The following ATP2B4 variants were observed in gnomAD, a reference collection of about 807,000 sequenced individuals.
The protein encoded by ATP2B4 is plasma membrane calcium-transporting ATPase 4.
Under a neutral mutation model 110.3 loss-of-function variants are expected in ATP2B4, and 39 were observed. The observed-to-expected ratio is 0.35, with a 90% CI of 0.27 to 0.46. The LOEUF is 0.46. Among genes scored for constraint, ATP2B4 ranks in the 20% least tolerant of loss-of-function variants. The probability of loss-of-function intolerance (pLI) is 1.00; values close to 1 mark genes in which losing one functional copy is unlikely to be tolerated. For synonymous variants in ATP2B4, 538 were observed against 571.7 expected (o/e 0.94, Z 0.84); for missense variants, 1,135 against 1,530.9 (o/e 0.74, Z 4.32).
At chr1:203,666,527 C>T (rs1052910375) in intron 1 of ATP2B4, among the ~76,000 whole-genome samples, 1 of 152,102 alleles carries the variant, frequency 6.6e-6, no homozygotes, top group Non-Finnish European at 1.5e-5. Context: ...TTAATTTTGG[C>T]CCCCGTTCTT....
chr1:203,723,787 G>T, intron 18 of ATP2B4, 94 bp from the exon 19 acceptor site: 4 of 934,538 alleles, frequency 4.3e-6, no homozygotes, highest in South Asian at 1.7e-5. Flanking sequence ...GGATCCTGAG[G>T]AGTGGGATGA....
intron 1 of ATP2B4, among the ~76,000 whole-genome samples, chr1:203,660,412 C>T (rs1664301366): frequency 6.6e-6 from 1 of 151,642 alleles, no homozygotes; most frequent in African/African-American, 2.4e-5. Context: ...GAGAATGTAT[C>T]ACTTGGGGTG....
At chr1:203,657,363 C>G (rs1216782242) in intron 1 of ATP2B4, 9 of 746,394 alleles carry the variant, frequency 1.2e-5, no homozygotes, top group Non-Finnish European at 2.2e-5. Flanking sequence ...GTCTGTTTCT[C>G]CCTGGGCATG....
At chr1:203,726,827 C>T (rs1024668220) in intron 19 of ATP2B4, among the ~76,000 whole-genome samples, 1 of 152,204 alleles carries the variant, frequency 6.6e-6, no homozygotes, top group African/African-American at 2.4e-5. Flanking sequence ...TGGACTGTCC[C>T]ATCCACTTCC....
chr1:203,732,745 G>C (rs904313364), intron 20 of ATP2B4, among the ~76,000 whole-genome samples: 1 of 151,688 alleles, frequency 6.6e-6, no homozygotes, highest in Non-Finnish European at 1.5e-5. Flanking sequence ...GGGCCTGTAG[G>C]TGGAGGTTGC....
At chr1:203,643,600 A>G (rs1261514046) in intron 1 of ATP2B4, among the ~76,000 whole-genome samples, 1 of 152,232 alleles carries the variant, frequency 6.6e-6, no homozygotes, top group Non-Finnish European at 1.5e-5. Flanking sequence ...CTTGGCATTA[A>G]GTGCAGTTCT....
chr1:203,636,256 C>T (rs1663433036), intron 1 of ATP2B4, among the ~76,000 whole-genome samples: 1 of 152,206 alleles, frequency 6.6e-6, no homozygotes, highest in Non-Finnish European at 1.5e-5. Context: ...TAAGCAAGGC[C>T]TTCTAGGCAC....
intron 20 of ATP2B4, among the ~76,000 whole-genome samples, chr1:203,733,997 G>A (rs1666808669): frequency 6.6e-6 from 1 of 152,166 alleles, no homozygotes; most frequent in Admixed American, 6.5e-5. Flanking sequence ...ATTGCTGACT[G>A]GCAATTTTAG....
At chr1:203,707,642 G>T (rs1440334203) in intron 9 of ATP2B4, among the ~76,000 whole-genome samples, 1 of 152,128 alleles carries the variant, frequency 6.6e-6, no homozygotes, top group East Asian at 1.9e-4. Flanking sequence ...TGTTGGCCAG[G>T]CTGGTCTTGA....
intron 19 of ATP2B4, 106 bp from the exon 20 acceptor site, chr1:203,727,288 TG>T: frequency 7.7e-7 from 1 of 1,301,826 alleles, no homozygotes; most frequent in Non-Finnish European, 1.1e-6. Context: ...GTGGGAAGGG[TG>T]GTAGGGCAAA....
At position 203,709,349 on chromosome 1, in the gene ATP2B4, G is replaced by A. The variant is rs2102398326; in HGVS notation, c.1606G>A (p.Glu536Lys). The A allele has an allele frequency of 5.0e-6, 8 of 1,614,170 alleles. No homozygotes were observed. The highest frequency in any genetic ancestry group is 1.1e-5 in the South Asian group (1 of 91,090). The change falls in exon 11 of 21, where the codon GAG becomes AAG. Residue 536 changes from glutamate (E) to lysine (K), a missense_variant. This residue lies in a region of ATP2B4 where 368 missense variants were observed against 455.9 expected (regional missense o/e 0.81). Coordinates refer to ENST00000357681, the MANE Select transcript of ATP2B4 (RefSeq NM_001684.5). ...GCCTCGGCAGGTGGGCAACAAGACC[G>A]AGTGTGCTCTGCTAGGCTTTGTCAC... ...GLPRQVGNKT[E>K]CALLGFVTDL... is the part of the protein sequence containing the mutation.
At chr1:203,725,619 G>T (rs749935150) in intron 19 of ATP2B4, among the ~76,000 whole-genome samples, 1 of 152,114 alleles carries the variant, frequency 6.6e-6, no homozygotes, top group East Asian at 1.9e-4. Flanking sequence ...AAACTATTAC[G>T]ATTATAATAG....
chr1:203,658,533 A>G (rs1373449769), intron 1 of ATP2B4, among the ~76,000 whole-genome samples: 1 of 151,828 alleles, frequency 6.6e-6, no homozygotes, highest in Non-Finnish European at 1.5e-5. Flanking sequence ...CCTGTCTCAA[A>G]AAAAAAAGAA....
chr1:203,713,294 C>G (rs1034493703), intron 14 of ATP2B4, 42 bp downstream of exon 14: 1 of 1,610,034 alleles, frequency 6.2e-7, no homozygotes, highest in Non-Finnish European at 8.5e-7. Flanking sequence ...CAGCTGAAGG[C>G]AGGCCAGGGC....
intron 2 of ATP2B4, among the ~76,000 whole-genome samples, chr1:203,697,246 G>T (rs188174114): frequency 6.6e-6 from 1 of 152,188 alleles, no homozygotes; most frequent in South Asian, 2.1e-4. Flanking sequence ...ACTCTGCCCT[G>T]ATGCTCCCCT....
At chr1:203,657,526 T>C in intron 1 of ATP2B4, 1 of 801,168 alleles carries the variant, frequency 1.2e-6, no homozygotes, top group Non-Finnish European at 2.2e-6. Flanking sequence ...TTCTTTTGTT[T>C]GGTGTTTCTC....
At chr1:203,667,191 A>G (rs528424963) in intron 1 of ATP2B4, among the ~76,000 whole-genome samples, 1 of 152,286 alleles carries the variant, frequency 6.6e-6, no homozygotes, top group East Asian at 1.9e-4. Context: ...GATTCAAGCA[A>G]TCTGCCCACC....
chr1:203,703,522 G>T (rs1328906950), intron 7 of ATP2B4, 130 bp from the exon 8 acceptor site: 16 of 1,043,722 alleles, frequency 1.5e-5, no homozygotes, highest in Admixed American at 6.6e-5. Context: ...GTTGGAAGTG[G>T]TCGGAACTGA....
At chr1:203,662,025 A>G (rs1046457317) in intron 1 of ATP2B4, among the ~76,000 whole-genome samples, 67 of 146,894 alleles carry the variant, frequency 4.6e-4, no homozygotes, top group African/African-American at 1.6e-3. Context: ...AAAATTTGCC[A>G]TCTTCACCTT....
Sources: gnomAD v4.1 joint callset for allele counts (sites outside exome capture counted in the v4.1 genomes callset) on GRCh38, gnomAD v4.1.1 for gene constraint, gnomAD v4.1.1 regional missense constraint, MANE v1.5 for transcripts, NCBI Gene and HGNC (gene_info 2026-07-23, HGNC 2026-07-21) for gene names.